RIMS1: variants seen among roughly 807,000 people sequenced by gnomAD.
The protein encoded by RIMS1 is regulating synaptic membrane exocytosis protein 1.
A neutral mutation model predicts 214.1 loss-of-function variants in RIMS1; 83 were observed. The ratio of observed to expected loss-of-function variants is 0.39; its 90% CI spans 0.32 to 0.47. The LOEUF (loss-of-function observed/expected upper bound fraction) is 0.47. RIMS1 is among the 20% of genes least tolerant of loss of function. The pLI is 0.99. For synonymous variants in RIMS1, 793 were observed against 786.8 expected, an observed-to-expected ratio of 1.01 and a Z score of -0.13; for missense variants, 2,050 against 2,161.8, an observed-to-expected ratio of 0.95 and a Z score of 1.03.
intron 22 of RIMS1, among the ~76,000 whole-genome samples, chr6:72,273,269 A>T (rs962411623): frequency 6.6e-6 from 1 of 152,140 alleles, no homozygotes; most frequent in Non-Finnish European, 1.5e-5. Context: ...TTCAAAAAGA[A>T]AACTTTCTTT....
intron 17 of RIMS1, 30 bp downstream of exon 17, chr6:72,258,311 G>A (rs771311316): frequency 6.3e-7 from 1 of 1,591,786 alleles, no homozygotes; most frequent in Non-Finnish European, 8.6e-7. Context: ...CAGTGTCCCT[G>A]ACAGTACATT....
intron 1 of RIMS1, among the ~76,000 whole-genome samples, chr6:71,940,658 A>AT (rs1785795716): frequency 1.3e-5 from 2 of 152,322 alleles, no homozygotes; most frequent in East Asian, 3.9e-4. Context: ...ATGCAGAAGG[A>AT]TTTTCAAGTG....
intron 4 of RIMS1, among the ~76,000 whole-genome samples, chr6:72,146,524 G>T (rs2042776804): frequency 6.6e-6 from 1 of 152,110 alleles, no homozygotes; most frequent in African/African-American, 2.4e-5. Flanking sequence ...TTTTGTTAAA[G>T]AGAAGGTTAG....
At chr6:72,282,388 GC>G (rs1207323572) in intron 23 of RIMS1, among the ~76,000 whole-genome samples, 2 of 151,692 alleles carry the variant, frequency 1.3e-5, no homozygotes, top group African/African-American at 2.4e-5. Context: ...TGGAATCTCT[GC>G]CCCCCTACCA....
chr6:72,340,914 A>G (rs888917990), intron 29 of RIMS1, among the ~76,000 whole-genome samples: 9 of 152,086 alleles, frequency 5.9e-5, no homozygotes, highest in African/African-American at 2.2e-4. Flanking sequence ...CCTATCCATG[A>G]GCATGGAATG....
intron 6 of RIMS1, among the ~76,000 whole-genome samples, chr6:72,186,782 C>CA (rs1328299860): frequency 6.6e-6 from 1 of 151,062 alleles, no homozygotes; most frequent in African/African-American, 2.4e-5. Flanking sequence ...TATATGTACC[C>CA]CCCCCCATAT....
intron 23 of RIMS1, among the ~76,000 whole-genome samples, chr6:72,275,646 C>T (rs1348474511): frequency 6.6e-6 from 1 of 152,082 alleles, no homozygotes; most frequent in Non-Finnish European, 1.5e-5. Context: ...ATTCTTTCTG[C>T]TACTGTCTGA....
chr6:72,396,666 T>G (rs765497505), intron 31 of RIMS1, among the ~76,000 whole-genome samples: 4 of 152,138 alleles, frequency 2.6e-5, no homozygotes, highest in Non-Finnish European at 5.9e-5. Context: ...TGGATGGATA[T>G]CTAAGAAAAT....
At chr6:72,137,892 A>G (rs111853632) in intron 4 of RIMS1, among the ~76,000 whole-genome samples, 1,699 of 151,856 alleles carry the variant, frequency 0.011, 10 homozygotes, top group Non-Finnish European at 0.017. Context: ...GCCCACCGCC[A>G]CGCCCGGCTA....
In RIMS1 at chr6:72,264,996, A is replaced by G; in HGVS notation, c.3138A>G (p.Lys1046=). 6.3e-7 allele frequency: 1 copy of G among 1,596,868 alleles called. No individual in the cohort carries two copies. The highest frequency in any genetic ancestry group is 8.5e-7 in the Non-Finnish European group (1 of 1,169,950). Residue 1046 remains lysine, a synonymous_variant, in exon 20 of 34, where the codon AAA becomes AAG. Transcript: ENST00000521978. ...CCAGACATCTTGTTAGGCACTATAA[A>G]ACATTACCTCCCAAGATGCCTTTAT... ...HTTRHLVRHY[K]TLPPKMPLLQ...
At chr6:72,277,911 A>C (rs2087509827) in intron 23 of RIMS1, among the ~76,000 whole-genome samples, 1 of 152,194 alleles carries the variant, frequency 6.6e-6, no homozygotes, top group Non-Finnish European at 1.5e-5. Context: ...AATATATTTT[A>C]ATATGGCCCT....
At chr6:71,889,306 C>T (rs1243727216) in intron 1 of RIMS1, among the ~76,000 whole-genome samples, 3 of 152,098 alleles carry the variant, frequency 2.0e-5, no homozygotes, top group African/African-American at 7.2e-5. Context: ...CAAAGGACAG[C>T]AATTATAAGA....
chr6:72,326,139 T>G (rs2096455901), intron 28 of RIMS1, among the ~76,000 whole-genome samples: 1 of 151,928 alleles, frequency 6.6e-6, no homozygotes, highest in Admixed American at 6.6e-5. Context: ...TTCTTAAGGC[T>G]TACAATAGAA....
intron 2 of RIMS1, among the ~76,000 whole-genome samples, chr6:72,091,845 C>G (rs1203254614): frequency 2.0e-5 from 3 of 152,122 alleles, no homozygotes; most frequent in Non-Finnish European, 4.4e-5. Context: ...TTGTTAACCT[C>G]ACTAGTCAAT....
intron 1 of RIMS1, among the ~76,000 whole-genome samples, chr6:71,892,956 C>G (rs1273650118): frequency 6.6e-6 from 1 of 152,112 alleles, no homozygotes; most frequent in Non-Finnish European, 1.5e-5. Context: ...TCAAGATAAT[C>G]CATCCAAGCA....
intron 1 of RIMS1, among the ~76,000 whole-genome samples, chr6:71,913,198 A>T (rs1777429079): frequency 6.6e-6 from 1 of 152,154 alleles, no homozygotes; most frequent in Non-Finnish European, 1.5e-5. Context: ...TTTATCATTA[A>T]AATTAGTAAT....
intron 6 of RIMS1, among the ~76,000 whole-genome samples, chr6:72,191,669 G>A (rs887514129): frequency 6.6e-6 from 1 of 152,218 alleles, no homozygotes; most frequent in Non-Finnish European, 1.5e-5. Context: ...GACAAGAATA[G>A]AGAAAAAGGC....
chr6:72,117,206 T>A (rs1000731513), intron 4 of RIMS1, among the ~76,000 whole-genome samples: 1 of 151,984 alleles, frequency 6.6e-6, no homozygotes, highest in Non-Finnish European at 1.5e-5. Flanking sequence ...AAAATCTGCA[T>A]TTCTTTCTCT....
At chr6:72,210,534 G>T (rs773814174) in intron 6 of RIMS1, among the ~76,000 whole-genome samples, 1 of 152,178 alleles carries the variant, frequency 6.6e-6, no homozygotes, top group South Asian at 2.1e-4. Context: ...TCTCATGGAG[G>T]ATCTTAGCCA....
Sources: gnomAD v4.1 joint callset for allele counts (sites outside exome capture counted in the v4.1 genomes callset) on GRCh38, gnomAD v4.1.1 for gene constraint, MANE v1.5 for transcripts, NCBI Gene and HGNC (gene_info 2026-07-23, HGNC 2026-07-21) for gene names.